GSE1: variants seen among roughly 807,000 people sequenced by gnomAD.
The protein encoded by GSE1 is Gse1 coiled-coil protein.
A neutral mutation model predicts 112.6 loss-of-function variants in GSE1; 32 were observed. The observed-to-expected ratio is 0.28, with a 90% CI of 0.21 to 0.38. The LOEUF is 0.38. GSE1 is among the 10% of genes least tolerant of loss of function. The pLI is 1.00. For synonymous variants in GSE1, 1,115 were observed against 735.6 expected, an observed-to-expected ratio of 1.52 and a Z score of -8.35; for missense variants, 2,348 against 1,699.2, an observed-to-expected ratio of 1.38 and a Z score of -6.71.
chr16:85,665,098 C>G lies in GSE1; in HGVS notation c.2728C>G (p.Pro910Ala). The G allele has an allele frequency of 6.2e-7, 1 of 1,610,088 alleles. No individual in the cohort carries two copies. Among genetic ancestry groups the G allele is most frequent in the Non-Finnish European group, 8.5e-7 (1 of 1,176,680 alleles). The change falls in exon 12 of 16, where the codon CCG becomes GCG. Residue 910 changes from proline to alanine, a missense_variant. By Grantham distance (27) the Pro-to-Ala change is conservative (BLOSUM62 -1). Coordinates refer to ENST00000253458, the MANE Select transcript of GSE1 (RefSeq NM_014615.5). ...AGTGGCCGACTCCTTGACAAACTCTCCGAGGGACAGTCCTGCCGTCTCCCT... is the reference window on the plus strand; with the variant it reads ...AGTGGCCGACTCCTTGACAAACTCTGCGAGGGACAGTCCTGCCGTCTCCCT... Reference protein sequence around the residue: ...AAVADSLTNSPRDSPAVSLSE... With the variant: ...AAVADSLTNSARDSPAVSLSE...
At chr16:85,310,140 G>A (rs999959468) in intron 1 of GSE1, among the ~76,000 whole-genome samples, 3 of 152,180 alleles carry the variant, frequency 2.0e-5, no homozygotes, top group Admixed American at 6.5e-5. Context: ...ACGCAGGCCT[G>A]TGCCTCCTGC....
At chr16:85,647,046 C>T (rs2050931454) in intron 2 of GSE1, among the ~76,000 whole-genome samples, 1 of 152,200 alleles carries the variant, frequency 6.6e-6, no homozygotes, top group Non-Finnish European at 1.5e-5. Context: ...GAGGGGAGCC[C>T]TGGTCTGAGA....
chr16:85,279,192 G>A (rs1230292655), intron 1 of GSE1, among the ~76,000 whole-genome samples: 1 of 152,238 alleles, frequency 6.6e-6, no homozygotes, highest in Non-Finnish European at 1.5e-5. Context: ...TGGGGAGGGG[G>A]GAGGAGGATG....
chr16:85,323,831 A>AG (rs1451244111), intron 1 of GSE1, among the ~76,000 whole-genome samples: 1 of 152,126 alleles, frequency 6.6e-6, no homozygotes, highest in Admixed American at 6.5e-5. Context: ...TTAGATGAGA[A>AG]GGGGTCCTGC....
intron 1 of GSE1, among the ~76,000 whole-genome samples, chr16:85,209,327 A>G (rs1315093421): frequency 6.6e-6 from 1 of 152,148 alleles, no homozygotes; most frequent in Non-Finnish European, 1.5e-5. Context: ...CCAGGGCAAC[A>G]TCCTCCGTCC....
chr16:85,239,929 C>T (rs575625052), intron 1 of GSE1, among the ~76,000 whole-genome samples: 3 of 152,192 alleles, frequency 2.0e-5, no homozygotes, highest in African/African-American at 7.2e-5. Flanking sequence ...CTGCTGGTAA[C>T]GGGGTGCATC....
chr16:85,327,039 A>G lies in GSE1; in HGVS notation c.2284-30424A>G, dbSNP rs569397214. On this transcript the variant is annotated intron_variant, in intron 1 of 2. Transcript: ENST00000637419. ...CAGCTCCCCTAGGGCTGGAGCATCT[A>G]CTTCCAAGACAGTGCGTGCACCTAC... is the stretch of plus-strand genomic sequence containing the variant. Among the ~76,000 whole-genome samples, 9 of 152,318 alleles carry G rather than the reference A, an allele frequency of 5.9e-5. No individual in the cohort carries two copies. In the East Asian group the frequency reaches 1.7e-3, roughly 29 times the overall value.
chr16:85,219,454 G>T lies in GSE1; in HGVS notation c.2283+47647G>T, dbSNP rs894211935. Reference sequence around the variant, plus strand: ...ACAGACCTACCGCATGAAGCTGCTGGCCTGGGGCTGGCCTGGGTCCTACCT... The same window carrying T: ...ACAGACCTACCGCATGAAGCTGCTGTCCTGGGGCTGGCCTGGGTCCTACCT... On this transcript the variant is annotated intron_variant, in intron 1 of 2. Coordinates refer to the GSE1 transcript ENST00000637419. Among the ~76,000 whole-genome samples the T allele has an allele frequency of 2.0e-5, 3 of 152,214 alleles. No homozygotes were observed. The South Asian group carries it at 6.2e-4, about 32-fold the overall frequency.
chr16:85,384,808 G>A (rs898213960), intron 2 of GSE1, among the ~76,000 whole-genome samples: 46 of 152,278 alleles, frequency 3.0e-4, no homozygotes, highest in South Asian at 2.5e-3. Context: ...GTCCTCCAGC[G>A]CCAGGATCCA....
chr16:85,603,488 G>A (rs1207132206), intron 1 of GSE1, among the ~76,000 whole-genome samples: 1 of 152,186 alleles, frequency 6.6e-6, no homozygotes, highest in Non-Finnish European at 1.5e-5. Context: ...ACAGGCAGAG[G>A]CCTTCAGATT....
intron 2 of GSE1, among the ~76,000 whole-genome samples, chr16:85,445,696 G>C (rs539070534): frequency 6.6e-6 from 1 of 152,194 alleles, no homozygotes; most frequent in African/African-American, 2.4e-5. Flanking sequence ...CTGGCCTCTC[G>C]GGGAGCGCGC....
At chr16:85,470,700 C>T (rs964299987) in intron 2 of GSE1, among the ~76,000 whole-genome samples, 3 of 152,230 alleles carry the variant, frequency 2.0e-5, no homozygotes, top group Admixed American at 2.0e-4. Flanking sequence ...GGTGCGCTTG[C>T]AGCCATCGGG....
rs368537277 is a variant in GSE1 at position 85,449,588 on chromosome 16, C to T, written c.2464+91945C>T. ...AATCGGAGTGGGCGGCAGCTCCTGCCCTCTCTTCCGGAATGGACGCTTATG... is the reference window on the plus strand; with the variant it reads ...AATCGGAGTGGGCGGCAGCTCCTGCTCTCTCTTCCGGAATGGACGCTTATG... On this transcript the variant is annotated intron_variant, in intron 2 of 2. Transcript: ENST00000637419. Among the ~76,000 whole-genome samples the T allele has an allele frequency of 5.9e-5, 9 of 152,370 alleles. 1 individual carries two copies. Among genetic ancestry groups the T allele is most frequent in the East Asian group, 3.9e-4 (2 of 5,190 alleles).
intron 2 of GSE1, among the ~76,000 whole-genome samples, chr16:85,510,713 C>CA (rs1468415684): frequency 2.6e-5 from 4 of 152,190 alleles, no homozygotes; most frequent in Non-Finnish European, 4.4e-5. Flanking sequence ...GAGTGAAAGT[C>CA]AGAGTTGCCC....
At chr16:85,219,886 C>G (rs763508931) in intron 1 of GSE1, among the ~76,000 whole-genome samples, 10 of 152,244 alleles carry the variant, frequency 6.6e-5, no homozygotes, top group Non-Finnish European at 1.5e-4. Context: ...GGCAGGCTCT[C>G]CTGGTCTCCT....
At chr16:85,574,204 G>A (rs762637477) in intron 1 of GSE1, among the ~76,000 whole-genome samples, 1 of 152,210 alleles carries the variant, frequency 6.6e-6, no homozygotes, top group East Asian at 1.9e-4. Flanking sequence ...AGGGCCGGCC[G>A]TGGAAGTTGT....
At chr16:85,218,784 C>T (rs957192523) in intron 1 of GSE1, among the ~76,000 whole-genome samples, 20 of 152,242 alleles carry the variant, frequency 1.3e-4, no homozygotes, top group African/African-American at 4.6e-4. Flanking sequence ...CAGCTTCCAG[C>T]GTGCAGTAGC....
chr16:85,598,495 T>C lies in GSE1; in HGVS notation c.37+42132T>C, dbSNP rs138738260. ...AAACCAACTTTGATCTTTCAGAGATTGCCAGTGTACTTTAAAACGAATGTG... is the reference window on the plus strand; with the variant it reads ...AAACCAACTTTGATCTTTCAGAGATCGCCAGTGTACTTTAAAACGAATGTG... On this transcript the variant is annotated intron_variant, in intron 1 of 2. Coordinates refer to the GSE1 transcript ENST00000635906. Among the ~76,000 whole-genome samples the C allele has an allele frequency of 2.9e-3, 438 of 152,354 alleles. 2 individuals are homozygous for C. The highest frequency in any genetic ancestry group is 0.01 in the African/African-American group (419 of 41,586).
At chr16:85,184,586 C>G (rs2074662077) in intron 1 of GSE1, among the ~76,000 whole-genome samples, 1 of 152,226 alleles carries the variant, frequency 6.6e-6, no homozygotes, top group South Asian at 2.1e-4. Flanking sequence ...TTAATAGAGG[C>G]AATTAAAGCT....
Sources: allele counts gnomAD v4.1 joint callset (sites outside exome capture counted in the v4.1 genomes callset), GRCh38; gene constraint gnomAD v4.1.1; transcripts MANE v1.5; gene names NCBI Gene and HGNC (gene_info 2026-07-23, HGNC 2026-07-21).